The following CNTN5 variants were observed in gnomAD, a reference collection of about 807,000 sequenced individuals.
CNTN5 encodes contactin 5.
Under a neutral mutation model 129.1 loss-of-function variants are expected in CNTN5, and 77 were observed. That is an observed-to-expected ratio of 0.60 (90% CI 0.50 to 0.72). The LOEUF (loss-of-function observed/expected upper bound fraction) is 0.72. Ranked by LOEUF, CNTN5 falls within the 30% of genes least tolerant of loss-of-function variation. The pLI, the probability that CNTN5 is intolerant of heterozygous loss-of-function variation, is 0.00. For synonymous variants in CNTN5, 509 were observed against 465.6 expected (o/e 1.09, Z -1.20); for missense variants, 1,478 against 1,328.8 (o/e 1.11, Z -1.75).
At chr11:99,513,159 C>A (rs1395990371) in intron 2 of CNTN5, among the ~76,000 whole-genome samples, 1 of 152,108 alleles carries the variant, frequency 6.6e-6, no homozygotes, top group Non-Finnish European at 1.5e-5. Context: ...ATCAAACCAG[C>A]CACAACATTC....
At chr11:99,141,672 G>C (rs144631720) in intron 1 of CNTN5, among the ~76,000 whole-genome samples, 2 of 152,064 alleles carry the variant, frequency 1.3e-5, no homozygotes, top group Non-Finnish European at 1.5e-5. Context: ...TTCCTGTGTC[G>C]CAGAGTTTCT....
chr11:99,666,944 T>C (rs943618720), intron 3 of CNTN5, among the ~76,000 whole-genome samples: 4 of 152,144 alleles, frequency 2.6e-5, no homozygotes, highest in Admixed American at 1.3e-4. Flanking sequence ...TGGTTTTTAA[T>C]TGATATGTTT....
chr11:99,272,066 T>C (rs546461349), intron 1 of CNTN5, among the ~76,000 whole-genome samples: 13 of 152,050 alleles, frequency 8.5e-5, no homozygotes, highest in African/African-American at 2.6e-4. Flanking sequence ...TAAAAACTTA[T>C]TCAATTCTTA....
chr11:99,335,725 T>C (rs577829909), intron 2 of CNTN5, among the ~76,000 whole-genome samples: 109 of 152,118 alleles, frequency 7.2e-4, no homozygotes, highest in African/African-American at 2.6e-3. Context: ...GGCTCATGGG[T>C]GAGGGTTGAC....
chr11:99,322,622 T>C (rs915840748), intron 1 of CNTN5, among the ~76,000 whole-genome samples: 2 of 152,142 alleles, frequency 1.3e-5, no homozygotes, highest in African/African-American at 4.8e-5. Flanking sequence ...TATTTGTTTT[T>C]CTGGTCAATA....
chr11:99,195,462 A>G (rs1482520750), intron 1 of CNTN5, among the ~76,000 whole-genome samples: 1 of 152,114 alleles, frequency 6.6e-6, no homozygotes, highest in Non-Finnish European at 1.5e-5. Flanking sequence ...CTAATCAGCA[A>G]TACATTAAAG....
intron 6 of CNTN5, among the ~76,000 whole-genome samples, chr11:99,896,970 A>G (rs1949223108): frequency 6.6e-6 from 1 of 152,028 alleles, no homozygotes; most frequent in African/African-American, 2.4e-5. Context: ...GCCTGCCCTG[A>G]CCTGAAAGTT....
intron 3 of CNTN5, among the ~76,000 whole-genome samples, chr11:99,777,392 A>G (rs1354321825): frequency 6.6e-6 from 1 of 151,874 alleles, no homozygotes; most frequent in Admixed American, 6.6e-5. Context: ...AGTTAATTCT[A>G]GGCAAATTGG....
chr11:100,129,217 AGCG>A lies in CNTN5; in HGVS notation c.1580+54924_1580+54926del, dbSNP rs1333074027. The stretch of plus-strand genomic sequence containing the variant: ...ATGAAATGAGAAAATACATTTATAT[AGCG>A]TGCGTTATGCCAGTTTAAGGTATAT... On this transcript the variant is annotated intron_variant, in intron 13 of 24. Coordinates refer to ENST00000524871, the MANE Select transcript of CNTN5 (RefSeq NM_014361.4). Among the ~76,000 whole-genome samples, 191 of 152,270 alleles carry A rather than the reference AGCG, an allele frequency of 1.3e-3. 3 individuals carry two copies. In the South Asian group the frequency reaches 0.037, roughly 29 times the overall value.
At chr11:99,996,530 C>T (rs1371733887) in intron 8 of CNTN5, among the ~76,000 whole-genome samples, 1 of 152,112 alleles carries the variant, frequency 6.6e-6, no homozygotes, top group Non-Finnish European at 1.5e-5. Flanking sequence ...CTGGTCACTT[C>T]CCATCTCTTT....
At chr11:99,086,234 G>C (rs1320208674) in intron 1 of CNTN5, among the ~76,000 whole-genome samples, 1 of 152,204 alleles carries the variant, frequency 6.6e-6, no homozygotes, top group African/African-American at 2.4e-5. Flanking sequence ...AGCCAGCCCT[G>C]AACAGGGTGC....
chr11:99,817,856 AG>A (rs1349480889), intron 3 of CNTN5, among the ~76,000 whole-genome samples: 3 of 99,710 alleles, frequency 3.0e-5, no homozygotes, highest in Non-Finnish European at 6.2e-5. Context: ...AACTCTTTTC[AG>A]TTAAAATTGA....
At chr11:100,014,613 T>G (rs900694305) in intron 9 of CNTN5, among the ~76,000 whole-genome samples, 1 of 152,022 alleles carries the variant, frequency 6.6e-6, no homozygotes, top group Non-Finnish European at 1.5e-5. Flanking sequence ...AAATTAAAAA[T>G]ACATAGATTT....
At chr11:99,845,615 G>A (rs1279585784) in intron 6 of CNTN5, among the ~76,000 whole-genome samples, 2 of 151,588 alleles carry the variant, frequency 1.3e-5, no homozygotes, top group Non-Finnish European at 2.9e-5. Flanking sequence ...CTCGTGATCC[G>A]CCCGCCTCGG....
intron 2 of CNTN5, among the ~76,000 whole-genome samples, chr11:99,382,845 C>CTTTTTTTTTTTTTTTTTTTTTT (rs1163660333): frequency 1.3e-5 from 1 of 77,046 alleles, no homozygotes; most frequent in African/African-American, 6.2e-5. Flanking sequence ...CTCTAAATAA[C>CTTTTTTTTTTTTTTTTTTTTTT]TTTTTTTTTT....
intron 2 of CNTN5, among the ~76,000 whole-genome samples, chr11:99,382,707 G>T (rs1940645147): frequency 6.6e-6 from 1 of 151,908 alleles, no homozygotes; most frequent in Admixed American, 6.6e-5. Flanking sequence ...ATCCTATTTG[G>T]TTTCTTCACT....
chr11:99,145,475 T>C (rs1859736915), intron 1 of CNTN5, among the ~76,000 whole-genome samples: 1 of 152,160 alleles, frequency 6.6e-6, no homozygotes, highest in African/African-American at 2.4e-5. Flanking sequence ...ATATAATTTC[T>C]TGTTTATTCT....
intron 3 of CNTN5, among the ~76,000 whole-genome samples, chr11:99,600,589 G>GT (rs1009606214): frequency 7.9e-5 from 12 of 152,190 alleles, no homozygotes; most frequent in Admixed American, 7.9e-4. Context: ...TAGGATAAGT[G>GT]TTGGACTCCG....
chr11:99,804,129 T>G (rs757375925), intron 3 of CNTN5, among the ~76,000 whole-genome samples: 7 of 152,134 alleles, frequency 4.6e-5, no homozygotes, highest in Non-Finnish European at 8.8e-5. Flanking sequence ...GCTGGTGGTT[T>G]TCAGTCAATA....
Sources: allele counts gnomAD v4.1 joint callset (sites outside exome capture counted in the v4.1 genomes callset), GRCh38; gene constraint gnomAD v4.1.1; transcripts MANE v1.5; gene names NCBI Gene and HGNC (gene_info 2026-07-23, HGNC 2026-07-21).